ITPR1: variants seen among roughly 807,000 people sequenced by gnomAD.
The protein encoded by ITPR1 is inositol 1,4,5-trisphosphate-gated calcium channel ITPR1.
ITPR1 carries 96 observed loss-of-function variants against 318.4 expected under a neutral mutation model. The observed-to-expected ratio is 0.30, with a 90% CI of 0.26 to 0.36. ITPR1 has a LOEUF of 0.36. Among genes scored for constraint, ITPR1 ranks in the 10% least tolerant of loss-of-function variants. ITPR1 has a pLI of 1.00. For missense variants in ITPR1, 2,440 were observed against 3,460.2 expected (o/e 0.71, Z 7.40); for synonymous variants, 1,312 against 1,289.9 (o/e 1.02, Z -0.37).
At position 4,766,694 on chromosome 3, in the gene ITPR1, C is replaced by T. The variant is rs776704462; in HGVS notation, c.5709C>T (p.Ala1903=). The change falls in exon 45 of 62, where the codon GCC becomes GCT. Residue 1903 remains alanine (A), a synonymous_variant. Coordinates refer to ENST00000649015, the MANE Select transcript of ITPR1 (RefSeq NM_001378452.1). ...KKKDDEVDRD[A]PSRKKAKEPT... is the part of the protein sequence containing the mutation. ...AAGACGATGAGGTAGACAGGGATGC[C>T]CCATCACGGAAAAAAGGTAAATGTT... The T allele has an allele frequency of 6.3e-7, 1 of 1,597,972 alleles. No individual in the cohort carries two copies. The highest frequency in any genetic ancestry group is 8.5e-7 in the Non-Finnish European group (1 of 1,172,172).
intron 4 of ITPR1, among the ~76,000 whole-genome samples, chr3:4,592,899 A>T (rs1454163992): frequency 3.3e-5 from 5 of 152,110 alleles, no homozygotes; most frequent in Non-Finnish European, 7.4e-5. Flanking sequence ...GAGTGGTGGG[A>T]GACTGGTTCC....
At chr3:4,506,991 G>A (rs2081437963) in intron 2 of ITPR1, among the ~76,000 whole-genome samples, 2 of 151,826 alleles carry the variant, frequency 1.3e-5, no homozygotes, top group Admixed American at 1.3e-4. Context: ...CTGAGAAAAT[G>A]AACACTGAAA....
rs1028439348 is a variant in ITPR1 at position 4,746,442 on chromosome 3, C to T, written c.5544+11088C>T. Among the ~76,000 whole-genome samples the T allele has an allele frequency of 3.3e-5, 5 of 152,234 alleles. No individual in the cohort carries two copies. The East Asian group carries it at 9.6e-4, about 29-fold the overall frequency. On this transcript the variant is annotated intron_variant, in intron 44 of 61. Coordinates refer to ENST00000649015, the MANE Select transcript of ITPR1 (RefSeq NM_001378452.1). Reference sequence around the variant, plus strand: ...CCCAGCGGGGCCATGAACTCAGATGCCTTTGCTTCATGTGGGACGTGCCCT... The same window carrying T: ...CCCAGCGGGGCCATGAACTCAGATGTCTTTGCTTCATGTGGGACGTGCCCT...
chr3:4,765,247 G>A (rs932166809), intron 44 of ITPR1, among the ~76,000 whole-genome samples: 17 of 152,024 alleles, frequency 1.1e-4, no homozygotes, highest in African/African-American at 4.1e-4. Flanking sequence ...AAACGAACCA[G>A]GGAGCACAGG....
At chr3:4,775,205 C>T (rs749786188) in intron 46 of ITPR1, 37 bp from the exon 47 acceptor site, 2 of 1,449,584 alleles carry the variant, frequency 1.4e-6, no homozygotes, top group Admixed American at 3.4e-5. Flanking sequence ...CTTCCCTCTG[C>T]CTTTGCTCAC....
intron 5 of ITPR1, among the ~76,000 whole-genome samples, 181 bp from the exon 6 acceptor site, chr3:4,639,202 AG>A (rs1251301398): frequency 6.6e-6 from 1 of 152,190 alleles, no homozygotes; most frequent in African/African-American, 2.4e-5. Flanking sequence ...AGCCAAGCAA[AG>A]GCGGAGTGGA....
At chr3:4,531,922 C>A (rs1451075813) in intron 4 of ITPR1, among the ~76,000 whole-genome samples, 1 of 152,186 alleles carries the variant, frequency 6.6e-6, no homozygotes, top group Admixed American at 6.5e-5. Flanking sequence ...GTCATGTCAT[C>A]TCAGATGTAT....
chr3:4,768,548 G>A lies in ITPR1; in HGVS notation c.5763G>A (p.Arg1921=). The A allele has an allele frequency of 6.2e-7, 1 of 1,613,768 alleles. No homozygotes were observed. The highest frequency in any genetic ancestry group is 8.5e-7 in the Non-Finnish European group (1 of 1,179,712). Residue 1921 remains arginine (R), a synonymous_variant, in exon 46 of 62, where the codon CGG becomes CGA. Coordinates refer to ENST00000649015, the MANE Select transcript of ITPR1 (RefSeq NM_001378452.1). ...CAACACAGATAACAGAAGAGGTCCG[G>A]GATCAGCTCCTGGAGGCCTCCGCTG... The part of the protein sequence containing the change: ...EPTTQITEEV[R]DQLLEASAAT...
Position 4,710,967 on chromosome 3 carries a change from T to C in ITPR1, c.4991+494T>C, listed in dbSNP as rs928322395. ...TGGCTCATGCCTGTAATCCCAGCAC[T>C]TTGGGAGGCCGGGGCTGGTGAATCA... On this transcript the variant is annotated intron_variant, in intron 38 of 61. Coordinates refer to ENST00000649015, the MANE Select transcript of ITPR1 (RefSeq NM_001378452.1). The surrounding 1 kb of genome is among the most constrained non-coding windows in gnomAD (Gnocchi z 4.2). Among the ~76,000 whole-genome samples, 3 of 152,134 alleles carry C rather than the reference T, an allele frequency of 2.0e-5. No homozygotes were observed. The highest frequency in any genetic ancestry group is 7.2e-5 in the African/African-American group (3 of 41,430).
At chr3:4,660,358 C>T (rs945845383) in intron 13 of ITPR1, among the ~76,000 whole-genome samples, 3 of 151,438 alleles carry the variant, frequency 2.0e-5, no homozygotes, top group Admixed American at 2.0e-4. Flanking sequence ...GAGTAATAAC[C>T]TTTTAATGCA....
At chr3:4,771,297 G>A (rs866949126) in intron 46 of ITPR1, among the ~76,000 whole-genome samples, 1 of 152,204 alleles carries the variant, frequency 6.6e-6, no homozygotes, top group South Asian at 2.1e-4. Context: ...TGCAGGTCCA[G>A]GAAGGCCTCT....
At chr3:4,509,003 A>T (rs2081602633) in intron 2 of ITPR1, among the ~76,000 whole-genome samples, 1 of 152,236 alleles carries the variant, frequency 6.6e-6, no homozygotes, top group Non-Finnish European at 1.5e-5. Context: ...CACAGGACAG[A>T]GGTGAGTGAA....
intron 2 of ITPR1, among the ~76,000 whole-genome samples, chr3:4,498,169 T>C (rs934017871): frequency 1.7e-4 from 26 of 152,352 alleles, no homozygotes; most frequent in Non-Finnish European, 3.2e-4. Context: ...CACTGAGTTA[T>C]AACATTTCAA....
intron 4 of ITPR1, among the ~76,000 whole-genome samples, chr3:4,540,028 A>G (rs1027596908): frequency 2.0e-5 from 3 of 149,898 alleles, no homozygotes; most frequent in African/African-American, 4.9e-5. Context: ...GAATTTTACT[A>G]TAAGTAAATT....
At chr3:4,564,502 A>G (rs987243995) in intron 4 of ITPR1, among the ~76,000 whole-genome samples, 4 of 152,180 alleles carry the variant, frequency 2.6e-5, no homozygotes, top group Admixed American at 6.5e-5. Flanking sequence ...GAATTACCAA[A>G]TGAGTCACGT....
intron 60 of ITPR1, among the ~76,000 whole-genome samples, chr3:4,821,296 C>T (rs2049700960): frequency 6.6e-6 from 1 of 152,216 alleles, no homozygotes. Flanking sequence ...CTGCAGCTCT[C>T]CTTTAGCCCA....
intron 4 of ITPR1, among the ~76,000 whole-genome samples, chr3:4,541,224 T>A (rs2084409997): frequency 6.6e-6 from 1 of 152,242 alleles, no homozygotes; most frequent in African/African-American, 2.4e-5. Context: ...CTATCTTGGA[T>A]AATTTTTTTT....
rs778175942 is a variant in ITPR1, at chr3:4,775,358, T to G, written c.6096T>G (p.Tyr2032Ter). 1 of 1,613,850 alleles carries G rather than the reference T, an allele frequency of 6.2e-7. No homozygotes were observed. Among genetic ancestry groups the G allele is most frequent in the Non-Finnish European group, 8.5e-7 (1 of 1,179,714 alleles). Residue 2032 changes from tyrosine (Y) to a stop codon, truncating the protein, a stop_gained, in exon 47 of 62, where the codon TAT becomes TAG. Coordinates refer to ENST00000649015, the MANE Select transcript of ITPR1 (RefSeq NM_001378452.1). LOFTEE classifies it high-confidence loss of function. ...TTGGLGLLGL[Y>*]INEKNVALIN... ...GAGGCCTTGGTCTTCTGGGCTTGTA[T>G]ATAAATGAAAAGAATGTAGCGCTTA...
At position 4,847,286 on chromosome 3, in the gene ITPR1, T is replaced by G. The variant is rs886058652; in HGVS notation, c.*1061T>G. 1 of 152,608 alleles carries G rather than the reference T, an allele frequency of 6.6e-6. No individual in the cohort carries two copies. The highest frequency in any genetic ancestry group is 1.9e-4 in the East Asian group (1 of 5,200). 9.5% of individuals were successfully genotyped at this position (152,608 alleles called of 1,614,324 possible). On this transcript the variant is annotated 3_prime_UTR_variant, in exon 62 of 62. Coordinates refer to ENST00000649015, the MANE Select transcript of ITPR1 (RefSeq NM_001378452.1). ...TGAAAGAGCCACATTTTGGTTTTAT[T>G]TCTTGTCACATGATTTCTTTTCTTG... is the stretch of plus-strand genomic sequence containing the variant.
Sources: allele counts gnomAD v4.1 joint callset (sites outside exome capture counted in the v4.1 genomes callset), GRCh38; gene constraint gnomAD v4.1.1; non-coding constraint Gnocchi (gnomAD v3.1); transcripts MANE v1.5; gene names NCBI Gene and HGNC (gene_info 2026-07-23, HGNC 2026-07-21).